Variants in NBDY observed in about 807,000 individuals in gnomAD.
NBDY encodes P-body dissociating protein.
intron 2 of NBDY, among the ~76,000 whole-genome samples, chrX:56,738,734 C>A: frequency 9.0e-6 from 1 of 111,627 alleles, no homozygotes; most frequent in Middle Eastern, 4.7e-3. Flanking sequence ...GGTGTGCCAC[C>A]CTCCTGGCAT....
intron 2 of NBDY, among the ~76,000 whole-genome samples, chrX:56,798,655 C>A (rs1284251369): frequency 8.9e-6 from 1 of 112,253 alleles, no homozygotes; most frequent in Non-Finnish European, 1.9e-5. Context: ...TAATCCCAAG[C>A]CTCTTGTGTC....
At chrX:56,766,142 GC>G (rs1342162499) in intron 2 of NBDY, among the ~76,000 whole-genome samples, 1 of 112,391 alleles carries the variant, frequency 8.9e-6, no homozygotes, top group Non-Finnish European at 1.9e-5. Flanking sequence ...CCTTCTGGAT[GC>G]TGTAAGTGTA....
intron 2 of NBDY, among the ~76,000 whole-genome samples, chrX:56,739,836 T>A (rs1453925226): frequency 8.9e-6 from 1 of 111,813 alleles, no homozygotes; most frequent in Non-Finnish European, 1.9e-5. Context: ...CATTAAATTA[T>A]CATCCACTGG....
chrX:56,766,228 A>G (rs773769788), intron 2 of NBDY, among the ~76,000 whole-genome samples: 1 of 111,558 alleles, frequency 9.0e-6, no homozygotes, highest in African/African-American at 3.3e-5. Flanking sequence ...TGAACACATC[A>G]ATCTGAATTT....
chrX:56,811,311 G>A (rs949548836), intron 2 of NBDY: 3 of 112,067 alleles, frequency 2.7e-5, no homozygotes, highest in African/African-American at 9.7e-5. Flanking sequence ...TCTATTCAGA[G>A]GTACCAGGCA....
intron 2 of NBDY, among the ~76,000 whole-genome samples, chrX:56,738,841 T>G (rs1287702200): frequency 9.0e-6 from 1 of 111,164 alleles, no homozygotes; most frequent in Admixed American, 9.6e-5. Flanking sequence ...TGATAGGCAC[T>G]AATGAAGCAT....
chrX:56,815,095 C>G (rs998423122), intron 2 of NBDY, among the ~76,000 whole-genome samples: 1 of 110,734 alleles, frequency 9.0e-6, no homozygotes, highest in African/African-American at 3.3e-5. Context: ...TATGACTTGG[C>G]TTAAATAGAT....
intron 2 of NBDY, among the ~76,000 whole-genome samples, chrX:56,798,672 C>T (rs921613775): frequency 1.9e-4 from 21 of 112,027 alleles, no homozygotes; most frequent in Non-Finnish European, 1.9e-5. Flanking sequence ...TGTCCCAGTG[C>T]CCATGATTAT....
intron 2 of NBDY, among the ~76,000 whole-genome samples, chrX:56,734,527 G>A (rs746313498): frequency 1.1e-3 from 122 of 112,356 alleles, no homozygotes; most frequent in Non-Finnish European, 1.5e-3. Flanking sequence ...ACTGTACAAA[G>A]CAAATTAGCA....
At chrX:56,753,696 A>G (rs1297503083) in intron 2 of NBDY, among the ~76,000 whole-genome samples, 2 of 111,768 alleles carry the variant, frequency 1.8e-5, no homozygotes, top group African/African-American at 3.3e-5. Flanking sequence ...AACCTAAGGG[A>G]AGAAACTATC....
At chrX:56,784,184 G>A (rs1033147469) in intron 2 of NBDY, among the ~76,000 whole-genome samples, 4 of 112,489 alleles carry the variant, frequency 3.6e-5, no homozygotes, top group African/African-American at 9.7e-5. Flanking sequence ...AGACCAGGCC[G>A]TATGCTGAGG....
chrX:56,764,062 C>G (rs776018716), intron 2 of NBDY, among the ~76,000 whole-genome samples: 1 of 112,381 alleles, frequency 8.9e-6, no homozygotes, highest in African/African-American at 3.2e-5. Flanking sequence ...GAACTCCAAG[C>G]TGGCCCTTGG....
chrX:56,804,431 C>G (rs979431361), intron 2 of NBDY, among the ~76,000 whole-genome samples: 1 of 112,293 alleles, frequency 8.9e-6, no homozygotes, highest in African/African-American at 3.2e-5. Flanking sequence ...CCACAGGCGG[C>G]TCTCCTAGAG....
At chrX:56,731,921 A>G in intron 1 of NBDY, 142 bp from the exon 2 acceptor site, 1 of 260,552 alleles carries the variant, frequency 3.8e-6, no homozygotes, top group Non-Finnish European at 6.8e-6. Context: ...CATCCCTTCT[A>G]ATACTATGTA....
At chrX:56,806,269 G>A (rs779461823) in intron 2 of NBDY, among the ~76,000 whole-genome samples, 5 of 111,807 alleles carry the variant, frequency 4.5e-5, no homozygotes, top group East Asian at 5.6e-4. Flanking sequence ...GAACAGTCCC[G>A]CAGTAAACAT....
At chrX:56,816,900 GTAAATAAA>G (rs1183765494) in intron 2 of NBDY, among the ~76,000 whole-genome samples, 1 of 110,862 alleles carries the variant, frequency 9.0e-6, no homozygotes, top group African/African-American at 3.3e-5. Flanking sequence ...TATTATTTGT[GTAAATAAA>G]TAAATAAATA....
chrX:56,767,405 C>T (rs1340388312), intron 2 of NBDY, among the ~76,000 whole-genome samples: 1 of 113,375 alleles, frequency 8.8e-6, no homozygotes, highest in Non-Finnish European at 1.9e-5. Flanking sequence ...TTGAGGAGCC[C>T]CTCAGCCCGC....
Position 56,740,146 on chromosome X carries a change from C to T in NBDY, c.*166+7947C>T, listed in dbSNP as rs146711668. Among the ~76,000 whole-genome samples, 13 of 111,820 alleles carry T rather than the reference C, an allele frequency of 1.2e-4. No homozygotes were observed. The East Asian group carries it at 3.3e-3, about 29-fold the overall frequency. ...TGACATGTGTCATCATTCTTAAACA[C>T]ACTTTTTACTTACTTTAAAATTTTT... On this transcript the variant is annotated intron_variant, in intron 2 of 2. Coordinates refer to ENST00000374922, the MANE Select transcript of NBDY (RefSeq NM_001348129.2).
At position 56,796,850 on chromosome X, in the gene NBDY, A is replaced by AG. The variant is rs1183546349; in HGVS notation, c.*167-20469dup. ...CTCAGGAAAGATCTCATTGACAAGA[A>AG]GCTTCTCGGTTGTGTGTCCTTTAAG... On this transcript the variant is annotated intron_variant, in intron 2 of 2. Transcript: ENST00000374922. 2.7e-5 allele frequency among the ~76,000 whole-genome samples: 3 copies of AG among 110,453 alleles called. No individual in the cohort carries two copies. In the Admixed American group the frequency reaches 2.9e-4, roughly 11 times the overall value.
Sources: gnomAD v4.1 joint callset for allele counts (sites outside exome capture counted in the v4.1 genomes callset) on GRCh38, gnomAD v4.1.1 for gene constraint, MANE v1.5 for transcripts, NCBI Gene and HGNC (gene_info 2026-07-23, HGNC 2026-07-21) for gene names.